Variants in DYNC2H1 observed in about 807,000 individuals in gnomAD.
The protein encoded by DYNC2H1 is dynein cytoplasmic 2 heavy chain 1.
Under a neutral mutation model 570.0 loss-of-function variants are expected in DYNC2H1, and 410 were observed. The observed-to-expected ratio is 0.72, with a 90% confidence interval of 0.66 to 0.78. The LOEUF is 0.78. DYNC2H1 is among the 30% of genes least tolerant of loss of function. The probability of loss-of-function intolerance (pLI) is 0.00; values close to 1 mark genes in which losing one functional copy is unlikely to be tolerated. For synonymous variants in DYNC2H1, 1,688 were observed against 1,677.6 expected (o/e 1.01, Z -0.15); for missense variants, 4,865 against 5,046.4 (o/e 0.96, Z 1.09).
Position 103,199,355 on chromosome 11 carries a change from G to T in DYNC2H1, c.7967G>T (p.Arg2656Leu), listed in dbSNP as rs200614421. The T allele has an allele frequency of 1.6e-5, 25 of 1,612,372 alleles. No individual in the cohort carries two copies. The highest frequency in any genetic ancestry group is 2.1e-5 in the Non-Finnish European group (25 of 1,179,672). The change falls in exon 49 of 89, where the codon CGC becomes CTC. Residue 2656 changes from arginine to leucine, a missense_variant. Physicochemically the swap from Arg to Leu is moderately radical, Grantham distance 102 (BLOSUM62 -2). Around this residue, in one of 5 missense-constraint regions of DYNC2H1, gnomAD observed 2,401 missense variants for 2,454.6 expected, o/e 0.98. Coordinates refer to ENST00000375735, the MANE Select transcript of DYNC2H1 (RefSeq NM_001377.3). This position sits in a 1 kb window ranked among gnomAD's most constrained non-coding sequence, Gnocchi z 4.6. ...FPGGSLLLAG[R>L]SGVGRRTITS... ...GGAGGTTCACTTCTATTAGCAGGAC[G>T]CAGTGGTGTAGGTCGTCGGACCATC...
chr11:103,215,310 T>G (rs1863336122), intron 54 of DYNC2H1, among the ~76,000 whole-genome samples: 1 of 152,176 alleles, frequency 6.6e-6, no homozygotes. Flanking sequence ...TTTATTATGT[T>G]GAGGTATGTT....
At chr11:103,193,183 C>A (rs1405523610) in intron 47 of DYNC2H1, among the ~76,000 whole-genome samples, 1 of 152,092 alleles carries the variant, frequency 6.6e-6, no homozygotes, top group Non-Finnish European at 1.5e-5. Flanking sequence ...AGAGAAACTT[C>A]AAGAAGGATG....
At chr11:103,478,842 A>G (rs1278397459) in intron 88 of DYNC2H1, among the ~76,000 whole-genome samples, 1 of 151,978 alleles carries the variant, frequency 6.6e-6, no homozygotes, top group African/African-American at 2.4e-5. Context: ...ATATATGTAA[A>G]TATTTATAGG....
intron 61 of DYNC2H1, 66 bp downstream of exon 61, chr11:103,234,226 A>C: frequency 6.7e-7 from 1 of 1,482,298 alleles, no homozygotes; most frequent in Non-Finnish European, 9.0e-7. Flanking sequence ...AATGTAATGT[A>C]TGTTAAGAAA....
Position 103,198,019 on chromosome 11 carries a change from CT to C in DYNC2H1, c.7797del (p.Gly2600GlufsTer3). 1 of 1,554,390 alleles carries C rather than the reference CT, an allele frequency of 6.4e-7. No homozygotes were observed. The highest frequency in any genetic ancestry group is 8.7e-7 in the Non-Finnish European group (1 of 1,148,218). On this transcript the variant is annotated frameshift_variant, in exon 48 of 89. Coordinates refer to ENST00000375735, the MANE Select transcript of DYNC2H1 (RefSeq NM_001377.3). LOFTEE classifies it high-confidence loss of function. ...ACCATTACCTCCACATGGAAAACCA[CT>C]TGGAAAACTAAACTCTACTGATCTC... ...GQPLPPHGKPLGKLNSTDLKD... is the reference protein window; with the variant it reads ...GQPLPPHGKPXGKLNSTDLKD...
chr11:103,216,794 A>AAC (rs940991464), intron 55 of DYNC2H1, among the ~76,000 whole-genome samples: 3 of 151,614 alleles, frequency 2.0e-5, no homozygotes, highest in African/African-American at 7.3e-5. Context: ...ACTCTCAAAA[A>AAC]AAAAAAATTC....
At chr11:103,237,486 T>A (rs1366575098) in intron 63 of DYNC2H1, among the ~76,000 whole-genome samples, 4 of 152,096 alleles carry the variant, frequency 2.6e-5, no homozygotes, top group African/African-American at 9.6e-5. Context: ...GTAGAGAAGT[T>A]GCTGACCACT....
At chr11:103,412,663 A>C (rs1364377386) in intron 84 of DYNC2H1, among the ~76,000 whole-genome samples, 1 of 152,136 alleles carries the variant, frequency 6.6e-6, no homozygotes, top group African/African-American at 2.4e-5. Context: ...GGAGTCCTTC[A>C]GCAATATGGC....
intron 81 of DYNC2H1, among the ~76,000 whole-genome samples, chr11:103,321,462 G>C (rs959891314): frequency 3.3e-5 from 5 of 152,124 alleles, no homozygotes; most frequent in Non-Finnish European, 5.9e-5. Flanking sequence ...TAATAGGCTG[G>C]TATATAGACA....
Position 103,133,616 on chromosome 11 carries a change from A to G in DYNC2H1, c.2015A>G (p.Glu672Gly), listed in dbSNP as rs1402053904. 2 of 1,612,386 alleles carry G rather than the reference A, an allele frequency of 1.2e-6. No homozygotes were observed. The highest frequency in any genetic ancestry group is 1.7e-6 in the Non-Finnish European group (2 of 1,179,550). The stretch of plus-strand genomic sequence containing the variant: ...ACTTGGGATAATCCTAAAGAATTAG[A>G]AGGCTATATCCAAAAACTCCAAAAT... ...QITWDNPKEL[E>G]GYIQKLQNAA... Residue 672 changes from glutamate to glycine, a missense_variant, in exon 14 of 89, where the codon GAA (glutamate) becomes GGA (glycine). By Grantham distance (98) the Glu-to-Gly change is moderately conservative (BLOSUM62 -2). Transcript: ENST00000375735. The surrounding 1 kb of genome is among the most constrained non-coding windows in gnomAD (Gnocchi z 4.8).
intron 84 of DYNC2H1, chr11:103,401,892 C>T (rs1852273126): frequency 6.6e-6 from 1 of 152,036 alleles, no homozygotes; most frequent in Non-Finnish European, 1.5e-5. Flanking sequence ...ATTCTCATCT[C>T]AGGAAGAGGT....
intron 20 of DYNC2H1, 63 bp downstream of exon 20, chr11:103,148,680 G>T: frequency 6.7e-7 from 1 of 1,497,712 alleles, no homozygotes; most frequent in South Asian, 1.3e-5. Flanking sequence ...GTTTAAATTA[G>T]GTAATTTTAT....
chr11:103,269,390 C>T (rs1865616848), intron 70 of DYNC2H1, among the ~76,000 whole-genome samples: 1 of 152,076 alleles, frequency 6.6e-6, no homozygotes, highest in Non-Finnish European at 1.5e-5. Context: ...TTAATGAAAG[C>T]TTTTAGGGTT....
rs1427933707 is a variant in DYNC2H1 at position 103,256,535 on chromosome 11, T to C, written c.10461+295T>C. Among the ~76,000 whole-genome samples, 1 of 152,188 alleles carries C rather than the reference T, an allele frequency of 6.6e-6. No individual in the cohort carries two copies. The highest frequency in any genetic ancestry group is 1.9e-4 in the East Asian group (1 of 5,198). ...TGTACTAAAATTGGAAATGAGTATA[T>C]TGAAAATGAGTATTAGAGAATATCT... is the stretch of plus-strand genomic sequence containing the variant. On this transcript the variant is annotated intron_variant, in intron 68 of 88. Coordinates refer to ENST00000375735, the MANE Select transcript of DYNC2H1 (RefSeq NM_001377.3). The surrounding 1 kb of genome is among the most constrained non-coding windows in gnomAD (Gnocchi z 4.0).
intron 45 of DYNC2H1, among the ~76,000 whole-genome samples, chr11:103,190,228 C>T (rs1862239944): frequency 6.6e-6 from 1 of 152,038 alleles, no homozygotes; most frequent in Admixed American, 6.6e-5. Flanking sequence ...AAGTATTCTT[C>T]CTAGATAAAA....
intron 22 of DYNC2H1, among the ~76,000 whole-genome samples, chr11:103,153,739 C>A (rs945174166): frequency 4.6e-5 from 7 of 151,778 alleles, no homozygotes; most frequent in Admixed American, 1.3e-4. Flanking sequence ...ATAGATTTAC[C>A]TAGAAGTTAT....
At chr11:103,156,875 C>A in intron 26 of DYNC2H1, 105 bp downstream of exon 26, 1 of 1,364,956 alleles carries the variant, frequency 7.3e-7, no homozygotes, top group South Asian at 1.4e-5. Flanking sequence ...TGATTGGTAT[C>A]CTCTGTGTAT....
chr11:103,184,732 T>C (rs1409227966), intron 40 of DYNC2H1, among the ~76,000 whole-genome samples, 164 bp from the exon 41 acceptor site: 1 of 151,946 alleles, frequency 6.6e-6, no homozygotes, highest in Non-Finnish European at 1.5e-5. Context: ...ATTTTCAAAG[T>C]ATATATAAAA....
In DYNC2H1 at chr11:103,185,121, C is replaced by A; in HGVS notation, c.6633+70C>A. 1.4e-6 allele frequency: 2 copies of A among 1,411,054 alleles called. No individual in the cohort carries two copies. Among genetic ancestry groups the A allele is most frequent in the Non-Finnish European group, 1.9e-6 (2 of 1,037,590 alleles). The allele number at this position is 1,411,054 out of a possible 1,614,324, so 87.4% of individuals were successfully genotyped here. On this transcript the variant is annotated intron_variant, in intron 41 of 88. Transcript: ENST00000375735. This position sits in a 1 kb window ranked among gnomAD's most constrained non-coding sequence, Gnocchi z 4.5. ...TCATTAACTCTTAACTGCCAAAACA[C>A]AATGATTTGTAACTGTAAGATATGG...
Sources: allele counts gnomAD v4.1 joint callset (sites outside exome capture counted in the v4.1 genomes callset), GRCh38; gene constraint gnomAD v4.1.1; regional missense constraint gnomAD v4.1.1; non-coding constraint Gnocchi (gnomAD v3.1); transcripts MANE v1.5; gene names NCBI Gene and HGNC (gene_info 2026-07-23, HGNC 2026-07-21).